The following SLC39A10 variants were observed in gnomAD, a reference collection of about 807,000 sequenced individuals.
SLC39A10 encodes the protein solute carrier family 39 member 10.
Under a neutral mutation model 65.1 loss-of-function variants are expected in SLC39A10, and 13 were observed. The ratio of observed to expected loss-of-function variants is 0.20; its 90% CI spans 0.13 to 0.32. The LOEUF is 0.32. Ranked by LOEUF, SLC39A10 falls within the 10% of genes least tolerant of loss-of-function variation. The pLI is 1.00. For missense variants in SLC39A10, 831 were observed against 1,018.4 expected (o/e 0.82, Z 2.50); for synonymous variants, 321 against 342.2 (o/e 0.94, Z 0.68).
chr2:195,693,294 T>G (rs1258665510), intron 3 of SLC39A10, among the ~76,000 whole-genome samples: 1 of 152,146 alleles, frequency 6.6e-6, no homozygotes, highest in African/African-American at 2.4e-5. Flanking sequence ...TCTTTTTTTG[T>G]TATGTCCTTC....
chr2:195,716,017 AACAAGTGTCAGAGTATC>A (rs376415833), intron 6 of SLC39A10, among the ~76,000 whole-genome samples: 96 of 152,340 alleles, frequency 6.3e-4, no homozygotes, highest in African/African-American at 2.2e-3. Context: ...TACATTTGAA[AACAAGTGTCAGAGTATC>A]ACAAGCCATT....
At chr2:195,708,996 G>GT (rs1691506059) in intron 5 of SLC39A10, 152 bp downstream of exon 5, 2 of 599,986 alleles carry the variant, frequency 3.3e-6, no homozygotes, top group Non-Finnish European at 5.4e-6. Flanking sequence ...GCTGACTTTG[G>GT]TTTTTTAAAA....
chr2:195,657,484 G>T, intron 1 of SLC39A10: 1 of 985,630 alleles, frequency 1.0e-6, no homozygotes, highest in Non-Finnish European at 1.2e-6. Flanking sequence ...AGAGCGCGTG[G>T]TGGGCAGAGT....
intron 2 of SLC39A10, among the ~76,000 whole-genome samples, chr2:195,617,694 G>T (rs1688246748): frequency 1.1e-5 from 1 of 92,458 alleles, no homozygotes; most frequent in Non-Finnish European, 2.7e-5. Flanking sequence ...AACATAGTGA[G>T]ACCTTGTTTC....
rs148901591 is a variant in SLC39A10 at position 195,681,252 on chromosome 2, C to T, written c.1008+202C>T. 5.8e-3 allele frequency among the ~76,000 whole-genome samples: 876 copies of T among 152,170 alleles called. 8 individuals are homozygous for T. Among genetic ancestry groups the T allele is most frequent in the African/African-American group, 0.02 (845 of 41,510 alleles). On this transcript the variant is annotated intron_variant, in intron 2 of 9. Transcript: ENST00000359634. The stretch of plus-strand genomic sequence containing the variant: ...GTGTAAAGATTTTTAAGTATCCGGG[C>T]GCGGTGGCTCACACCTGTAATCCCA...
At chr2:195,644,583 G>A (rs1016366940) in intron 2 of SLC39A10, among the ~76,000 whole-genome samples, 98 of 151,472 alleles carry the variant, frequency 6.5e-4, no homozygotes, top group African/African-American at 2.2e-3. Context: ...CTTGTGATCC[G>A]CCCGCTTCGG....
In SLC39A10 at chr2:195,706,791, A is replaced by C. The variant is rs764530506; in HGVS notation, c.1386+6A>C. On this transcript the variant is annotated splice_donor_region_variant and intron_variant, in intron 4 of 9. Transcript: ENST00000359634. ...TTCTTCATCTACTGCCCCATGTAAG[A>C]AATGTTTTTAATGTTTTTAAAAATT... 4.0e-6 allele frequency: 6 copies of C among 1,487,586 alleles called. No homozygotes were observed. Among genetic ancestry groups the C allele is most frequent in the Admixed American group, 5.0e-5 (2 of 39,620 alleles). 92.1% of individuals were successfully genotyped at this position (1,487,586 alleles called of 1,614,324 possible). A position where few individuals can be genotyped will look rare whatever the true frequency, so the allele number is the denominator to read the frequency against.
chr2:195,735,080 C>G lies in SLC39A10; in HGVS notation c.*39C>G, dbSNP rs767273195. On this transcript the variant is annotated 3_prime_UTR_variant, in exon 10 of 10. Transcript: ENST00000359634. ...TCACTGTTGATTACGAGAATGTTACCATGCAGCTTTGCATCTGTTCCTTGT... is the reference window on the plus strand; with the variant it reads ...TCACTGTTGATTACGAGAATGTTACGATGCAGCTTTGCATCTGTTCCTTGT... 1.9e-6 allele frequency: 3 copies of G among 1,587,128 alleles called. No homozygotes were observed. The highest frequency in any genetic ancestry group is 2.6e-6 in the Non-Finnish European group (3 of 1,167,156).
upstream of SLC39A10, among the ~76,000 whole-genome samples, chr2:195,652,970 T>A (rs1167366296): frequency 6.6e-6 from 1 of 152,116 alleles, no homozygotes; most frequent in Non-Finnish European, 1.5e-5. Flanking sequence ...AGAATCTAAC[T>A]AATGCCTGAT....
chr2:195,624,114 G>A (rs921941325), intron 2 of SLC39A10, among the ~76,000 whole-genome samples: 1 of 152,056 alleles, frequency 6.6e-6, no homozygotes, highest in Non-Finnish European at 1.5e-5. Flanking sequence ...GGCCAGGTGC[G>A]GTGGTTCATA....
Position 195,736,716 on chromosome 2 carries a change from T to A in SLC39A10, c.*1675T>A, listed in dbSNP as rs1692621201. 1 of 152,394 alleles carries A rather than the reference T, an allele frequency of 6.6e-6. No homozygotes were observed. The highest frequency in any genetic ancestry group is 6.5e-5 in the Admixed American group (1 of 15,270). 9.4% of individuals were successfully genotyped at this position (152,394 alleles called of 1,614,324 possible). On this transcript the variant is annotated 3_prime_UTR_variant, in exon 10 of 10. Coordinates refer to ENST00000359634, the MANE Select transcript of SLC39A10 (RefSeq NM_020342.3). ...TTGAATCTGAAAAATTATTTCTGAC[T>A]TACTCCATGGCCTCCTTATAATAAG... is the stretch of plus-strand genomic sequence containing the variant.
At chr2:195,645,067 G>T (rs1338367161) in intron 2 of SLC39A10, among the ~76,000 whole-genome samples, 2 of 151,768 alleles carry the variant, frequency 1.3e-5, no homozygotes, top group African/African-American at 2.4e-5. Flanking sequence ...GTGCCACCAC[G>T]CCCGGCTAAT....
intron 2 of SLC39A10, among the ~76,000 whole-genome samples, chr2:195,615,679 G>A (rs934174570): frequency 6.6e-6 from 1 of 152,110 alleles, no homozygotes; most frequent in South Asian, 2.1e-4. Flanking sequence ...GACATTACTT[G>A]CCTGGCCCCT....
At chr2:195,645,997 G>T (rs1422050491) in intron 2 of SLC39A10, among the ~76,000 whole-genome samples, 2 of 152,072 alleles carry the variant, frequency 1.3e-5, no homozygotes, top group African/African-American at 4.8e-5. Flanking sequence ...AAAAAGGCTG[G>T]AGTGCAGTGG....
intron 1 of SLC39A10, chr2:195,658,496 A>C (rs2105724126): frequency 6.6e-6 from 1 of 152,356 alleles, no homozygotes; most frequent in East Asian, 1.9e-4. Context: ...TTTACATTGG[A>C]ACTGAGTCAT....
Position 195,728,081 on chromosome 2 carries a change from T to G in SLC39A10, c.2147-78T>G. ...AAAGTGTGTATCTTTTTAATGCTGA[T>G]TTTATTTGTTTTCTCCTTTCAGATT... On this transcript the variant is annotated intron_variant, in intron 8 of 9. Transcript: ENST00000359634. The surrounding 1 kb of genome is among the most constrained non-coding windows in gnomAD (Gnocchi z 4.4). 4 of 1,289,312 alleles carry G rather than the reference T, an allele frequency of 3.1e-6. No homozygotes were observed. The highest frequency in any genetic ancestry group is 4.3e-6 in the Non-Finnish European group (4 of 923,880). 79.9% of individuals were successfully genotyped at this position (1,289,312 alleles called of 1,614,324 possible).
At chr2:195,717,172 G>T in intron 7 of SLC39A10, 167 bp downstream of exon 7, 2 of 780,034 alleles carry the variant, frequency 2.6e-6, no homozygotes, top group East Asian at 2.8e-5. Flanking sequence ...AGGTGTAAGG[G>T]TATAATTTAG....
chr2:195,723,791 C>A (rs1325127623), intron 8 of SLC39A10, among the ~76,000 whole-genome samples: 1 of 151,886 alleles, frequency 6.6e-6, no homozygotes, highest in African/African-American at 2.4e-5. Flanking sequence ...GAAAACTTAC[C>A]TATTGGGTAC....
chr2:195,648,045 T>C (rs533795366), intron 2 of SLC39A10, among the ~76,000 whole-genome samples: 4 of 152,320 alleles, frequency 2.6e-5, no homozygotes, highest in African/African-American at 9.6e-5. Context: ...CAGGCTAGAA[T>C]GCAGTGACAA....
Sources: gnomAD v4.1 joint callset for allele counts (sites outside exome capture counted in the v4.1 genomes callset) on GRCh38, gnomAD v4.1.1 for gene constraint, Gnocchi (gnomAD v3.1) non-coding constraint, MANE v1.5 for transcripts, NCBI Gene and HGNC (gene_info 2026-07-23, HGNC 2026-07-21) for gene names.